NPAS2: variants seen among roughly 807,000 people sequenced by gnomAD.
NPAS2 encodes the protein neuronal PAS domain-containing protein 2.
Under a neutral mutation model 107.5 loss-of-function variants are expected in NPAS2, and 23 were observed. The observed-to-expected ratio is 0.21, with a 90% CI of 0.15 to 0.30. The LOEUF is 0.30. NPAS2 is among the 10% of genes least tolerant of loss of function. The probability of loss-of-function intolerance (pLI) is 1.00; values close to 1 mark genes in which losing one functional copy is unlikely to be tolerated. For synonymous variants in NPAS2, 403 were observed against 417.5 expected (o/e 0.97, Z 0.42); for missense variants, 756 against 1,043.3 (o/e 0.72, Z 3.79).
chr2:100,923,623 C>A (rs1683377224), intron 2 of NPAS2, among the ~76,000 whole-genome samples: 1 of 152,216 alleles, frequency 6.6e-6, no homozygotes, highest in East Asian at 1.9e-4. Flanking sequence ...AGGATTTGCT[C>A]CCCTGAGAAC....
At chr2:100,957,882 C>G (rs1280595931) in intron 7 of NPAS2, among the ~76,000 whole-genome samples, 1 of 152,112 alleles carries the variant, frequency 6.6e-6, no homozygotes, top group Non-Finnish European at 1.5e-5. Context: ...GAGCTGAGAT[C>G]GCGCCACTGC....
intron 1 of NPAS2, among the ~76,000 whole-genome samples, chr2:100,852,384 G>A (rs368260787): frequency 2.6e-5 from 4 of 151,972 alleles, no homozygotes; most frequent in African/African-American, 7.3e-5. Context: ...GTGACAGAGC[G>A]AGACTCCATC....
intron 2 of NPAS2, among the ~76,000 whole-genome samples, chr2:100,922,324 A>C (rs1683278349): frequency 6.6e-6 from 1 of 152,126 alleles, no homozygotes; most frequent in South Asian, 2.1e-4. Flanking sequence ...TCATGCCTGT[A>C]ATCCCAGCAC....
intron 2 of NPAS2, among the ~76,000 whole-genome samples, chr2:100,907,538 TC>T (rs1269141992): frequency 6.6e-6 from 1 of 151,310 alleles, no homozygotes; most frequent in Non-Finnish European, 1.5e-5. Context: ...AAGATCGTAT[TC>T]TTTTCAAAGT....
intron 1 of NPAS2, among the ~76,000 whole-genome samples, chr2:100,897,040 C>T (rs775272547): frequency 1.4e-4 from 21 of 152,154 alleles, no homozygotes; most frequent in East Asian, 3.9e-4. Context: ...GAAGCAAACA[C>T]GTCCTTCTTC....
At chr2:100,884,112 G>A (rs951791843) in intron 1 of NPAS2, among the ~76,000 whole-genome samples, 5 of 152,156 alleles carry the variant, frequency 3.3e-5, no homozygotes, top group African/African-American at 1.2e-4. Context: ...CCGGATTATG[G>A]GGTTTTCTAA....
Position 100,968,088 on chromosome 2 carries a change from T to C in NPAS2, c.908-193T>C, listed in dbSNP as rs1676335944. Among the ~76,000 whole-genome samples the C allele has an allele frequency of 6.6e-6, 1 of 152,230 alleles. No individual in the cohort carries two copies. Among genetic ancestry groups the C allele is most frequent in the Non-Finnish European group, 1.5e-5 (1 of 68,032 alleles). On this transcript the variant is annotated intron_variant, in intron 10 of 20. Coordinates refer to ENST00000335681, the MANE Select transcript of NPAS2 (RefSeq NM_002518.4). The surrounding 1 kb of genome is among the most constrained non-coding windows in gnomAD (Gnocchi z 5.3). The stretch of plus-strand genomic sequence containing the variant: ...GCATTTGGGAAAGTATATGGATCAC[T>C]CTTCCACTGTTTAAGAATTCACGAC...
chr2:100,990,965 T>A, intron 19 of NPAS2, 93 bp downstream of exon 19: 1 of 1,036,850 alleles, frequency 9.6e-7, no homozygotes, highest in Non-Finnish European at 1.5e-6. Context: ...AGCACTCACA[T>A]GAGCCTTGCG....
At chr2:100,834,808 C>T (rs1029550131) in intron 1 of NPAS2, among the ~76,000 whole-genome samples, 2 of 152,068 alleles carry the variant, frequency 1.3e-5, no homozygotes, top group Non-Finnish European at 2.9e-5. Context: ...CATTCTCCTG[C>T]CTCAGCCTCC....
intron 5 of NPAS2, 33 bp downstream of exon 5, chr2:100,937,875 C>G: frequency 6.9e-7 from 1 of 1,442,272 alleles, no homozygotes; most frequent in Non-Finnish European, 9.8e-7. Flanking sequence ...TTTACCGGTT[C>G]ACGTTACCAT....
chr2:100,836,841 A>G (rs760589680), intron 1 of NPAS2, among the ~76,000 whole-genome samples: 7 of 152,176 alleles, frequency 4.6e-5, no homozygotes, highest in Non-Finnish European at 7.3e-5. Context: ...ATTTTCCCAG[A>G]TAGGGAAATG....
intron 1 of NPAS2, among the ~76,000 whole-genome samples, chr2:100,881,953 C>T (rs73967692): frequency 0.052 from 7,991 of 152,242 alleles, 694 homozygotes; most frequent in African/African-American, 0.18. Context: ...GTGCCCTGCC[C>T]GGAGCCCAGG....
At chr2:100,926,201 T>A (rs1263828245) in intron 3 of NPAS2, among the ~76,000 whole-genome samples, 1 of 152,232 alleles carries the variant, frequency 6.6e-6, no homozygotes, top group African/African-American at 2.4e-5. Flanking sequence ...TTGGGTTGTT[T>A]ACAATTTTTG....
chr2:100,933,324 G>A (rs1483082202), intron 4 of NPAS2, among the ~76,000 whole-genome samples: 1 of 152,216 alleles, frequency 6.6e-6, no homozygotes, highest in Admixed American at 6.5e-5. Context: ...AGGACAGAGG[G>A]AAGATGAATC....
intron 1 of NPAS2, among the ~76,000 whole-genome samples, chr2:100,824,713 C>T (rs1219095982): frequency 1.3e-5 from 2 of 152,160 alleles, no homozygotes; most frequent in Non-Finnish European, 1.5e-5. Flanking sequence ...GGAGGGGTCA[C>T]CTGGGTGGCC....
At chr2:100,931,050 C>T (rs1029769645) in intron 3 of NPAS2, among the ~76,000 whole-genome samples, 1 of 152,190 alleles carries the variant, frequency 6.6e-6, no homozygotes, top group African/African-American at 2.4e-5. Context: ...GAGTTGCACC[C>T]TCTCTTCCTT....
Position 100,964,087 on chromosome 2 carries a change from A to G in NPAS2, c.628A>G (p.Asn210Asp), listed in dbSNP as rs1676073348. Residue 210 changes from asparagine to aspartate, a missense_variant, in exon 8 of 21, where the codon AAC becomes GAC. Physicochemically the swap from Asn to Asp is conservative, Grantham distance 23. This residue lies in a region of NPAS2 where 30 missense variants were observed against 23.8 expected (regional missense o/e 1.26). Coordinates refer to ENST00000335681, the MANE Select transcript of NPAS2 (RefSeq NM_002518.4). ...TAGCCCCTCCTGTAATGGTTTTGAC[A>G]ACACCCTTTCAAGACCTTGCCGGGT... ...VPSPSCNGFD[N>D]TLSRPCRVPL... 1.2e-6 allele frequency: 2 copies of G among 1,613,878 alleles called. No homozygotes were observed. Among genetic ancestry groups the G allele is most frequent in the African/African-American group, 2.7e-5 (2 of 74,890 alleles).
chr2:100,991,398 G>A (rs1678124337), intron 19 of NPAS2, among the ~76,000 whole-genome samples: 1 of 152,246 alleles, frequency 6.6e-6, no homozygotes, highest in African/African-American at 2.4e-5. Context: ...TGGAGACACG[G>A]GGAATAGTTT....
chr2:100,878,943 A>AC (rs1206666424), intron 1 of NPAS2, among the ~76,000 whole-genome samples: 1 of 151,972 alleles, frequency 6.6e-6, no homozygotes, highest in Admixed American at 6.6e-5. Flanking sequence ...ACATGGTGAA[A>AC]CCCCCATCTC....
Sources: gnomAD v4.1 joint callset for allele counts (sites outside exome capture counted in the v4.1 genomes callset) on GRCh38, gnomAD v4.1.1 for gene constraint, gnomAD v4.1.1 regional missense constraint, Gnocchi (gnomAD v3.1) non-coding constraint, MANE v1.5 for transcripts, NCBI Gene and HGNC (gene_info 2026-07-23, HGNC 2026-07-21) for gene names.